The following NOS1AP variants were observed in gnomAD, a reference collection of about 807,000 sequenced individuals.
NOS1AP encodes the protein nitric oxide synthase 1 adaptor protein.
A neutral mutation model predicts 56.2 loss-of-function variants in NOS1AP; 21 were observed. That is an observed-to-expected ratio of 0.37 (90% CI 0.26 to 0.54). The LOEUF (loss-of-function observed/expected upper bound fraction) is 0.54, where lower values mean the gene tolerates loss of function less well. NOS1AP is among the 20% of genes least tolerant of loss of function. NOS1AP has a pLI of 0.84. For synonymous variants in NOS1AP, 270 were observed against 274.6 expected (o/e 0.98, Z 0.17); for missense variants, 522 against 657.8 (o/e 0.79, Z 2.26).
intron 2 of NOS1AP, among the ~76,000 whole-genome samples, chr1:162,189,896 C>A (rs1047006568): frequency 1.3e-5 from 2 of 152,106 alleles, no homozygotes; most frequent in Admixed American, 1.3e-4. Flanking sequence ...GGCGAGGGAT[C>A]AGCAGGTACA....
At chr1:162,344,977 T>TA (rs879744315) in intron 6 of NOS1AP, among the ~76,000 whole-genome samples, 14 of 150,836 alleles carry the variant, frequency 9.3e-5, no homozygotes, top group Non-Finnish European at 1.3e-4. Flanking sequence ...AAATAACAAT[T>TA]AAAAAAAAAG....
intron 2 of NOS1AP, among the ~76,000 whole-genome samples, chr1:162,283,084 C>T (rs1157582523): frequency 1.4e-5 from 2 of 140,218 alleles, no homozygotes; most frequent in Non-Finnish European, 3.1e-5. Flanking sequence ...ATTGCTTGCT[C>T]GCTCTCCCTC....
At chr1:162,089,969 A>G (rs928573845) in intron 1 of NOS1AP, among the ~76,000 whole-genome samples, 2 of 152,222 alleles carry the variant, frequency 1.3e-5, no homozygotes, top group African/African-American at 4.8e-5. Context: ...AACTAATACA[A>G]TCATATAGTC....
intron 1 of NOS1AP, among the ~76,000 whole-genome samples, chr1:162,108,517 C>T (rs2102038097): frequency 6.6e-6 from 1 of 152,086 alleles, no homozygotes; most frequent in Middle Eastern, 3.4e-3. Context: ...TTAGGATGAC[C>T]AAACTGGTAA....
At chr1:162,151,706 ACTT>A (rs1380005736) in intron 1 of NOS1AP, among the ~76,000 whole-genome samples, 3 of 152,024 alleles carry the variant, frequency 2.0e-5, no homozygotes, top group African/African-American at 7.3e-5. Context: ...GAGATCTTTC[ACTT>A]CTTTGGTTAA....
Position 162,082,897 on chromosome 1 carries a change from T to TGC in NOS1AP, c.105+12615_105+12616insGC, listed in dbSNP as rs777248388. 0.042 allele frequency among the ~76,000 whole-genome samples: 27 copies of TGC among 644 alleles called. 3 individuals carry two copies. The Non-Finnish European group carries it at 1, about 24-fold the overall frequency. The allele number at this position is 644 out of a possible 152,430, so 0.4% of individuals were successfully genotyped here. A position where few individuals can be genotyped will look rare whatever the true frequency, so the allele number is the denominator to read the frequency against. On this transcript the variant is annotated intron_variant, in intron 1 of 9. Coordinates refer to ENST00000361897, the MANE Select transcript of NOS1AP (RefSeq NM_014697.3). Reference sequence around the variant, plus strand: ...GGTTGTGTCCTTTTTTTCTTTTTTTTTTTTTTTTTTTTTTTTTGAGACGGA... The same window carrying TGC: ...GGTTGTGTCCTTTTTTTCTTTTTTTTGCTTTTTTTTTTTTTTTTTGAGACGGA...
chr1:162,358,817 A>C (rs1415226379), intron 8 of NOS1AP, among the ~76,000 whole-genome samples: 3 of 152,224 alleles, frequency 2.0e-5, no homozygotes, highest in Non-Finnish European at 4.4e-5. Flanking sequence ...ATGCATATTC[A>C]TGATATGATT....
chr1:162,310,312 T>C (rs926035046), intron 4 of NOS1AP, among the ~76,000 whole-genome samples: 4 of 152,244 alleles, frequency 2.6e-5, no homozygotes, highest in Admixed American at 6.5e-5. Flanking sequence ...CATCTGCACC[T>C]TCTGTACTGT....
At chr1:162,078,364 A>C (rs1691816975) in intron 1 of NOS1AP, among the ~76,000 whole-genome samples, 1 of 152,182 alleles carries the variant, frequency 6.6e-6, no homozygotes, top group African/African-American at 2.4e-5. Flanking sequence ...CTGACACTTT[A>C]AAGTACCCCT....
At chr1:162,331,207 TC>T (rs1450914386) in intron 4 of NOS1AP, among the ~76,000 whole-genome samples, 1 of 152,146 alleles carries the variant, frequency 6.6e-6, no homozygotes, top group Admixed American at 6.5e-5. Flanking sequence ...CTAAACAGCC[TC>T]TATTTCAGAA....
At chr1:162,300,078 A>T (rs1431019570) in intron 3 of NOS1AP, among the ~76,000 whole-genome samples, 2 of 152,144 alleles carry the variant, frequency 1.3e-5, no homozygotes, top group South Asian at 2.1e-4. Context: ...TCTCTGACAA[A>T]GGCGGATGAA....
At chr1:162,116,781 A>C (rs562918013) in intron 1 of NOS1AP, among the ~76,000 whole-genome samples, 1 of 152,308 alleles carries the variant, frequency 6.6e-6, no homozygotes, top group East Asian at 1.9e-4. Context: ...TGGGTGTCTT[A>C]GAAGTTACTG....
At chr1:162,074,433 G>A (rs540039837) in intron 1 of NOS1AP, among the ~76,000 whole-genome samples, 2 of 152,182 alleles carry the variant, frequency 1.3e-5, no homozygotes, top group South Asian at 4.2e-4. Flanking sequence ...TGATACAGAT[G>A]GTCAGAACTG....
chr1:162,342,453 A>C (rs1657138278), intron 5 of NOS1AP: 2 of 461,212 alleles, frequency 4.3e-6, no homozygotes, highest in Non-Finnish European at 8.9e-6. Context: ...TCCAGGCTTG[A>C]GGAGAAGCAA....
At chr1:162,266,087 TC>T (rs1350971229) in intron 2 of NOS1AP, among the ~76,000 whole-genome samples, 1 of 152,106 alleles carries the variant, frequency 6.6e-6, no homozygotes, top group Non-Finnish European at 1.5e-5. Context: ...TCTATTTTTG[TC>T]CCATTGGCTA....
intron 2 of NOS1AP, among the ~76,000 whole-genome samples, chr1:162,254,342 G>A (rs1438591079): frequency 6.6e-6 from 1 of 152,196 alleles, no homozygotes; most frequent in Non-Finnish European, 1.5e-5. Context: ...TTAGGAGGAT[G>A]CTGTTGGATG....
At position 162,115,723 on chromosome 1, in the gene NOS1AP, C is replaced by G. The variant is rs116717698; in HGVS notation, c.106-38682C>G. On this transcript the variant is annotated intron_variant, in intron 1 of 9. Transcript: ENST00000361897. ...AGGTTGAGGGCAAGTTGGAGTAACT[C>G]AGGTGTAAAACATTGGTTTCATCTT... Among the ~76,000 whole-genome samples, 705 of 152,244 alleles carry G rather than the reference C, an allele frequency of 4.6e-3. 11 individuals carry two copies. The highest frequency in any genetic ancestry group is 0.016 in the African/African-American group (667 of 41,540).
chr1:162,333,243 C>A, intron 5 of NOS1AP, 118 bp downstream of exon 5: 1 of 725,048 alleles, frequency 1.4e-6, no homozygotes. Flanking sequence ...GGGCAACTAT[C>A]TCAGTCGTCT....
chr1:162,246,525 C>T (rs537939174), intron 2 of NOS1AP, among the ~76,000 whole-genome samples: 5 of 152,294 alleles, frequency 3.3e-5, no homozygotes, highest in African/African-American at 9.6e-5. Flanking sequence ...AATTCTTGCT[C>T]TCCAGGAGAT....
Sources: gnomAD v4.1 joint callset for allele counts (sites outside exome capture counted in the v4.1 genomes callset) on GRCh38, gnomAD v4.1.1 for gene constraint, MANE v1.5 for transcripts, NCBI Gene and HGNC (gene_info 2026-07-23, HGNC 2026-07-21) for gene names.